Variants in SFXN4 observed in about 807,000 individuals in gnomAD.
The protein encoded by SFXN4 is sideroflexin-4.
In SFXN4, 48 loss-of-function variants were observed where a neutral mutation model predicts 54.6. The ratio of observed to expected loss-of-function variants is 0.88; its 90% CI spans 0.70 to 1.12. The LOEUF is 1.12. Among genes scored for constraint, SFXN4 ranks in the 50% most tolerant of loss-of-function variants. The probability of loss-of-function intolerance (pLI) is 0.00; values close to 1 mark genes in which losing one functional copy is unlikely to be tolerated. For missense variants in SFXN4, 383 were observed against 409.2 expected (o/e 0.94, Z 0.55); for synonymous variants, 130 against 145.5 (o/e 0.89, Z 0.77).
intron 11 of SFXN4, among the ~76,000 whole-genome samples, chr10:119,152,951 C>T (rs1207084788): frequency 6.6e-6 from 1 of 151,998 alleles, no homozygotes; most frequent in East Asian, 1.9e-4. Flanking sequence ...ATGTCATTTG[C>T]AAACAACTAA....
At chr10:119,148,577 G>A (rs1383725326) in intron 11 of SFXN4, among the ~76,000 whole-genome samples, 1 of 152,108 alleles carries the variant, frequency 6.6e-6, no homozygotes, top group African/African-American at 2.4e-5. Flanking sequence ...ACCTGCCATT[G>A]GGGAAGCCTC....
chr10:119,155,571 C>T (rs1011612104), intron 10 of SFXN4, among the ~76,000 whole-genome samples: 3 of 152,176 alleles, frequency 2.0e-5, no homozygotes, highest in Non-Finnish European at 2.9e-5. Flanking sequence ...CAGCTCACTG[C>T]AACCTCCGCC....
At chr10:119,161,012 G>A in intron 4 of SFXN4, 43 bp from the exon 5 acceptor site, 2 of 1,614,088 alleles carry the variant, frequency 1.2e-6, no homozygotes, top group Non-Finnish European at 1.7e-6. Context: ...GTCTGGTTTT[G>A]TTATTATAGG....
chr10:119,155,569 T>C (rs1050374803), intron 10 of SFXN4, among the ~76,000 whole-genome samples: 11 of 152,210 alleles, frequency 7.2e-5, no homozygotes, highest in Non-Finnish European at 1.5e-5. Context: ...CTCAGCTCAC[T>C]GCAACCTCCG....
chr10:119,157,608 A>C, intron 9 of SFXN4, 60 bp downstream of exon 9: 1 of 1,366,336 alleles, frequency 7.3e-7, no homozygotes, highest in Non-Finnish European at 1.0e-6. Context: ...AATTGGAATA[A>C]ATAAAACTTC....
intron 2 of SFXN4, 49 bp from the exon 3 acceptor site, chr10:119,162,463 G>T (rs1564828595): frequency 2.0e-6 from 3 of 1,498,570 alleles, no homozygotes; most frequent in Middle Eastern, 1.7e-4. Context: ...CATTGTTCAG[G>T]TTTATCCCCA....
In SFXN4 at chr10:119,155,153, T is replaced by G; in HGVS notation, c.641A>C (p.Tyr214Ser). The change falls in exon 11 of 14, where the codon TAC becomes TCC. Residue 214 changes from tyrosine (Y) to serine (S), a missense_variant. Physicochemically the swap from Tyr to Ser is moderately radical, Grantham distance 144. Transcript: ENST00000355697. ...AATGGATTCAAGACTTCGGGACATGTAGACATTCATTCCACTGGCTTGCAC... is the reference window on the plus strand; with the variant it reads ...AATGGATTCAAGACTTCGGGACATGGAGACATTCATTCCACTGGCTTGCAC... ...FLVQASGMNV[Y>S]MSRSLESIKG... is the part of the protein sequence containing the mutation. The G allele has an allele frequency of 6.2e-7, 1 of 1,613,958 alleles. No individual in the cohort carries two copies. Among genetic ancestry groups the G allele is most frequent in the Non-Finnish European group, 8.5e-7 (1 of 1,179,772 alleles).
At chr10:119,161,027 T>C (rs1847507596) in intron 4 of SFXN4, 28 bp downstream of exon 4, 1 of 1,614,084 alleles carries the variant, frequency 6.2e-7, no homozygotes. Context: ...TATAGGACAC[T>C]AAAAATTAGG....
rs751054646 is a variant in SFXN4 at position 119,157,990 on chromosome 10, A to G, written c.414+19T>C. ...AGCATAACAGAATTTAGTAATCGTG[A>G]AACAGGAAGAATGGCTACCTGAGGT... On this transcript the variant is annotated intron_variant, in intron 7 of 13. Transcript: ENST00000355697. 4 of 1,614,168 alleles carry G rather than the reference A, an allele frequency of 2.5e-6. No homozygotes were observed. The Admixed American group carries it at 6.7e-5, about 27-fold the overall frequency.
At chr10:119,159,594 T>C (rs1441967057) in intron 6 of SFXN4, 134 bp downstream of exon 6, 2 of 927,150 alleles carry the variant, frequency 2.2e-6, no homozygotes, top group Non-Finnish European at 3.5e-6. Flanking sequence ...GGGTTATCAG[T>C]GGGGATCCAC....
intron 13 of SFXN4, among the ~76,000 whole-genome samples, chr10:119,143,769 A>G (rs1485559371): frequency 6.6e-6 from 1 of 152,146 alleles, no homozygotes; most frequent in East Asian, 1.9e-4. Flanking sequence ...GAGCCACAGC[A>G]CCCGACCTAA....
At chr10:119,163,121 AT>A (rs541865560) in intron 2 of SFXN4, among the ~76,000 whole-genome samples, 202 of 152,292 alleles carry the variant, frequency 1.3e-3, no homozygotes, top group African/African-American at 4.8e-3. Context: ...TTGAGAAAAA[AT>A]AAATACAAAA....
At chr10:119,142,465 A>G (rs1846571321) in intron 13 of SFXN4, among the ~76,000 whole-genome samples, 1 of 151,916 alleles carries the variant, frequency 6.6e-6, no homozygotes. Context: ...TGTCATTGTC[A>G]CACCTAACAA....
intron 13 of SFXN4, 24 bp downstream of exon 13, chr10:119,146,212 G>C: frequency 7.8e-7 from 1 of 1,282,980 alleles, no homozygotes; most frequent in South Asian, 1.3e-5. Flanking sequence ...AACTTTGAGA[G>C]AAAAGAGGAA....
intron 1 of SFXN4, 40 bp downstream of exon 1, chr10:119,165,496 GC>G: frequency 2.0e-6 from 3 of 1,522,754 alleles, no homozygotes; most frequent in Non-Finnish European, 2.6e-6. Flanking sequence ...GGCCCGGCCC[GC>G]CCCCTCCCTG....
chr10:119,159,852 C>T, intron 5 of SFXN4, 99 bp from the exon 6 acceptor site: 1 of 1,274,304 alleles, frequency 7.8e-7, no homozygotes, highest in Non-Finnish European at 1.1e-6. Context: ...TCCCCAGCTT[C>T]CAGAAGGCAC....
chr10:119,162,357 C>T lies in SFXN4; in HGVS notation c.235G>A (p.Ala79Thr). The change falls in exon 3 of 14, where the codon GCC becomes ACC. Residue 79 changes from alanine to threonine, a missense_variant. Physicochemically the swap from Ala to Thr is moderately conservative, Grantham distance 58. Transcript: ENST00000355697. ...LCTNEDVSSP[A>T]SADQRIQEAW... The stretch of plus-strand genomic sequence containing the variant: ...AAACATACCCTTTGGTCCGCCGAGG[C>T]AGGGCTGGAAACATCTTCATTTGTG... The T allele has an allele frequency of 6.2e-7, 1 of 1,614,132 alleles. No homozygotes were observed. Among genetic ancestry groups the T allele is most frequent in the Non-Finnish European group, 8.5e-7 (1 of 1,179,998 alleles).
At chr10:119,145,354 C>T (rs1259014405) in intron 13 of SFXN4, among the ~76,000 whole-genome samples, 1 of 148,064 alleles carries the variant, frequency 6.8e-6, no homozygotes, top group Non-Finnish European at 1.5e-5. Flanking sequence ...CACTCTGTCA[C>T]CCAGGCTGGA....
chr10:119,156,842 T>C, intron 9 of SFXN4, 86 bp from the exon 10 acceptor site: 1 of 938,364 alleles, frequency 1.1e-6, no homozygotes, highest in East Asian at 2.6e-5. Flanking sequence ...CGCCCTGACC[T>C]AGTTCCTATT....
Sources: allele counts gnomAD v4.1 joint callset (sites outside exome capture counted in the v4.1 genomes callset), GRCh38; gene constraint gnomAD v4.1.1; transcripts MANE v1.5; gene names NCBI Gene and HGNC (gene_info 2026-07-23, HGNC 2026-07-21).